Variants in SAMD4A observed in about 807,000 individuals in gnomAD.
SAMD4A encodes sterile alpha motif domain containing 4A.
In SAMD4A, 33 loss-of-function variants were observed where a neutral mutation model predicts 81.3. That is an observed-to-expected ratio of 0.41 (90% CI 0.31 to 0.54). The LOEUF (loss-of-function observed/expected upper bound fraction) is 0.54, where lower values mean the gene tolerates loss of function less well. Ranked by LOEUF, SAMD4A falls within the 20% of genes least tolerant of loss-of-function variation. The pLI is 0.37. For synonymous variants in SAMD4A, 389 were observed against 382.1 expected (o/e 1.02, Z -0.21); for missense variants, 854 against 951.1 (o/e 0.90, Z 1.34).
chr14:54,595,419 T>TTA (rs955641809), intron 2 of SAMD4A, among the ~76,000 whole-genome samples: 18 of 148,218 alleles, frequency 1.2e-4, no homozygotes, highest in East Asian at 5.8e-4. Context: ...ATGTGTTTAT[T>TTA]TATATATATA....
intron 2 of SAMD4A, among the ~76,000 whole-genome samples, chr14:54,682,709 T>C (rs1238265810): frequency 6.6e-6 from 1 of 152,022 alleles, no homozygotes; most frequent in African/African-American, 2.4e-5. Flanking sequence ...CTCAAAACAG[T>C]AAAAAGATAA....
intron 2 of SAMD4A, among the ~76,000 whole-genome samples, chr14:54,681,412 A>T (rs552119321): frequency 3.2e-4 from 49 of 152,278 alleles, no homozygotes; most frequent in Admixed American, 3.1e-3. Context: ...TGCTCATGAG[A>T]CACTGATTAT....
At chr14:54,667,008 A>G (rs1189661027) in intron 2 of SAMD4A, among the ~76,000 whole-genome samples, 1 of 152,188 alleles carries the variant, frequency 6.6e-6, no homozygotes, top group African/African-American at 2.4e-5. Flanking sequence ...CCAAGAAAGA[A>G]ATCGAGATTT....
intron 4 of SAMD4A, 131 bp downstream of exon 4, chr14:54,737,418 G>A: frequency 9.4e-7 from 1 of 1,068,748 alleles, no homozygotes; most frequent in Non-Finnish European, 1.3e-6. Context: ...CATTTGATCT[G>A]TCCCTTCCAG....
At chr14:54,771,771 G>A (rs527680871) in intron 9 of SAMD4A, among the ~76,000 whole-genome samples, 149 of 152,296 alleles carry the variant, frequency 9.8e-4, no homozygotes, top group Admixed American at 2.0e-3. Flanking sequence ...GAAGGCATTC[G>A]GAGGTTGGAG....
intron 4 of SAMD4A, among the ~76,000 whole-genome samples, chr14:54,746,196 G>A (rs2037963808): frequency 6.6e-6 from 1 of 152,248 alleles, no homozygotes; most frequent in Non-Finnish European, 1.5e-5. Flanking sequence ...TGAAAGGTTA[G>A]TAGGCTATGT....
At chr14:54,656,876 G>C (rs1473810691) in intron 2 of SAMD4A, among the ~76,000 whole-genome samples, 1 of 152,078 alleles carries the variant, frequency 6.6e-6, no homozygotes, top group Non-Finnish European at 1.5e-5. Flanking sequence ...CAAAGTGCTG[G>C]GATTACAGGC....
At chr14:54,784,248 G>C in intron 11 of SAMD4A, 1 of 1,003,432 alleles carries the variant, frequency 1.0e-6, no homozygotes, top group African/African-American at 1.6e-5. Context: ...GAGGTTGGCT[G>C]TTACTTTGAT....
At chr14:54,731,958 A>G (rs576781572) in intron 3 of SAMD4A, among the ~76,000 whole-genome samples, 2 of 152,256 alleles carry the variant, frequency 1.3e-5, no homozygotes, top group African/African-American at 2.4e-5. Flanking sequence ...TTCAAAACAC[A>G]TAGTGACAGC....
rs186615049 is a variant in SAMD4A, at chr14:54,753,020, G to T, written c.1176+1483G>T. ...CTGTCTTGCCTCCCATCACAGGGCG[G>T]TTTTTCTCCTATATCAGAATTGAAC... is the stretch of plus-strand genomic sequence containing the variant. On this transcript the variant is annotated intron_variant, in intron 6 of 12. Coordinates refer to ENST00000554335, the MANE Select transcript of SAMD4A (RefSeq NM_015589.6). Among the ~76,000 whole-genome samples, 1,179 of 152,348 alleles carry T rather than the reference G, an allele frequency of 7.7e-3. 8 individuals are homozygous for T. Among genetic ancestry groups the T allele is most frequent in the Non-Finnish European group, 0.013 (912 of 68,028 alleles).
In SAMD4A at chr14:54,702,267, C is replaced by T. The variant is rs774885552; in HGVS notation, c.402C>T (p.Ala134=). 2 of 1,614,168 alleles carry T rather than the reference C, an allele frequency of 1.2e-6. No individual in the cohort carries two copies. The highest frequency in any genetic ancestry group is 1.7e-6 in the Non-Finnish European group (2 of 1,180,022). Residue 134 remains alanine (A), a synonymous_variant, in exon 3 of 13, where the codon GCC becomes GCT. Coordinates refer to ENST00000554335, the MANE Select transcript of SAMD4A (RefSeq NM_015589.6). ...TGTCCTATGCTTTGATACATCCAGC[C>T]ACTTCGTTAGAAGACCGTAGTGCTT... The part of the protein sequence containing the change: ...QLLSYALIHP[A]TSLEDRSALA...
chr14:54,671,080 C>T lies in SAMD4A; in HGVS notation c.197-30982C>T, dbSNP rs185866208. Among the ~76,000 whole-genome samples, 16 of 152,188 alleles carry T rather than the reference C, an allele frequency of 1.1e-4. No homozygotes were observed. In the East Asian group the frequency reaches 2.9e-3, roughly 28 times the overall value. Reference sequence around the variant, plus strand: ...TGGATTCTGTCTTCAAGAAGCTTACCATCTGCCAGGAAAGATGAAAAATGA... The same window carrying T: ...TGGATTCTGTCTTCAAGAAGCTTACTATCTGCCAGGAAAGATGAAAAATGA... On this transcript the variant is annotated intron_variant, in intron 2 of 12. Coordinates refer to ENST00000554335, the MANE Select transcript of SAMD4A (RefSeq NM_015589.6).
intron 2 of SAMD4A, among the ~76,000 whole-genome samples, chr14:54,695,718 G>C (rs2036558280): frequency 1.3e-5 from 2 of 152,074 alleles, no homozygotes. Context: ...ACTTTGGGAG[G>C]CCAAGGCAGG....
intron 2 of SAMD4A, among the ~76,000 whole-genome samples, chr14:54,640,585 A>C (rs2035151666): frequency 6.6e-6 from 1 of 152,126 alleles, no homozygotes; most frequent in Non-Finnish European, 1.5e-5. Context: ...TTTCATTAGC[A>C]GTCTGGTGGT....
intron 2 of SAMD4A, among the ~76,000 whole-genome samples, chr14:54,649,971 T>C (rs2035368704): frequency 6.6e-6 from 1 of 152,174 alleles, no homozygotes; most frequent in Admixed American, 6.5e-5. Context: ...TGTTTACTTT[T>C]AAAAAAACAA....
At chr14:54,630,672 G>T (rs898754950) in intron 2 of SAMD4A, among the ~76,000 whole-genome samples, 6 of 152,048 alleles carry the variant, frequency 3.9e-5, no homozygotes, top group Admixed American at 1.3e-4. Context: ...TGGTCATGGG[G>T]ATATTGTATT....
chr14:54,595,148 G>A (rs950501830), intron 2 of SAMD4A, among the ~76,000 whole-genome samples: 4 of 151,950 alleles, frequency 2.6e-5, no homozygotes, highest in African/African-American at 4.8e-5. Flanking sequence ...TCCATCTGAC[G>A]ACATCTCTCT....
chr14:54,688,951 G>A (rs1594814213), intron 2 of SAMD4A, among the ~76,000 whole-genome samples: 1 of 57,866 alleles, frequency 1.7e-5, no homozygotes, highest in African/African-American at 5.3e-5. Flanking sequence ...TTTTTTTTGA[G>A]GCGGAGTTTT....
intron 2 of SAMD4A, among the ~76,000 whole-genome samples, chr14:54,612,288 G>T (rs529914235): frequency 6.6e-6 from 1 of 152,096 alleles, no homozygotes; most frequent in East Asian, 1.9e-4. Flanking sequence ...GTCCCTTAAT[G>T]TTCTTATTTT....
Sources: allele counts gnomAD v4.1 joint callset (sites outside exome capture counted in the v4.1 genomes callset), GRCh38; gene constraint gnomAD v4.1.1; transcripts MANE v1.5; gene names NCBI Gene and HGNC (gene_info 2026-07-23, HGNC 2026-07-21).